GNB1: variants seen among roughly 807,000 people sequenced by gnomAD.
The protein encoded by GNB1 is G protein subunit beta 1.
GNB1 carries 2 observed loss-of-function variants against 42.9 expected under a neutral mutation model. The observed-to-expected ratio is 0.05, with a 90% CI of 0.02 to 0.15. The LOEUF (loss-of-function observed/expected upper bound fraction) is 0.15. GNB1 is among the 10% of genes least tolerant of loss of function. The pLI, the probability that GNB1 is intolerant of heterozygous loss-of-function variation, is 1.00. For synonymous variants in GNB1, 183 were observed against 174.7 expected (o/e 1.05, Z -0.38); for missense variants, 193 against 462.2 (o/e 0.42, Z 5.34).
intron 1 of GNB1, among the ~76,000 whole-genome samples, chr1:1,854,108 AG>A (rs968939320): frequency 6.6e-6 from 1 of 152,226 alleles, no homozygotes; most frequent in African/African-American, 2.4e-5. Context: ...TGGTCGAGGA[AG>A]GCATTAAGCG....
At chr1:1,836,151 T>G (rs1647145950) in intron 2 of GNB1, among the ~76,000 whole-genome samples, 1 of 151,956 alleles carries the variant, frequency 6.6e-6, no homozygotes, top group African/African-American at 2.4e-5. Context: ...ATGGTTATGC[T>G]GGGTCACATT....
intron 1 of GNB1, among the ~76,000 whole-genome samples, chr1:1,856,928 A>G (rs1023876053): frequency 1.3e-5 from 2 of 152,246 alleles, no homozygotes; most frequent in East Asian, 1.9e-4. Context: ...GTATCCTACA[A>G]AACAGTAATA....
intron 1 of GNB1, among the ~76,000 whole-genome samples, chr1:1,875,082 C>T (rs1649467831): frequency 6.6e-6 from 1 of 152,186 alleles, no homozygotes; most frequent in South Asian, 2.1e-4. Flanking sequence ...GGAGGTGGAG[C>T]TCAGGTGGGA....
intron 1 of GNB1, among the ~76,000 whole-genome samples, chr1:1,851,766 G>A (rs1314494791): frequency 1.3e-5 from 2 of 152,084 alleles, no homozygotes; most frequent in Admixed American, 6.5e-5. Context: ...GCATTCGGCC[G>A]GGCACAGCGG....
intron 1 of GNB1, among the ~76,000 whole-genome samples, chr1:1,866,988 CG>C (rs1239555484): frequency 4.0e-5 from 6 of 151,762 alleles, no homozygotes; most frequent in Non-Finnish European, 7.4e-5. Flanking sequence ...AATTCTAGGC[CG>C]GGTGCAGTGG....
chr1:1,836,591 C>A (rs1647153663), intron 2 of GNB1, among the ~76,000 whole-genome samples: 1 of 151,870 alleles, frequency 6.6e-6, no homozygotes, highest in Non-Finnish European at 1.5e-5. Context: ...CGCTTTATCA[C>A]CCAGGCTGGA....
chr1:1,835,922 G>GAA (rs59271649), intron 2 of GNB1, among the ~76,000 whole-genome samples: 31,754 of 88,610 alleles, frequency 0.36, 7,058 homozygotes, highest in Non-Finnish European at 0.47. Flanking sequence ...ATTAAAAAAA[G>GAA]AAAAAAAAAA....
At chr1:1,843,185 T>TA (rs531559676) in intron 1 of GNB1, among the ~76,000 whole-genome samples, 1 of 152,092 alleles carries the variant, frequency 6.6e-6, no homozygotes, top group South Asian at 2.1e-4. Flanking sequence ...GAAATACTAC[T>TA]AAAAAAAATT....
intron 1 of GNB1, among the ~76,000 whole-genome samples, chr1:1,872,933 C>T (rs1382096819): frequency 6.6e-6 from 1 of 152,186 alleles, no homozygotes; most frequent in Non-Finnish European, 1.5e-5. Context: ...CATCCTAAAG[C>T]AGGAAGTTCT....
chr1:1,814,766 C>T (rs986333302), intron 5 of GNB1, among the ~76,000 whole-genome samples: 3 of 137,188 alleles, frequency 2.2e-5, no homozygotes, highest in African/African-American at 8.4e-5. Context: ...CACACCACTG[C>T]ACTCCAGCAT....
Position 1,802,015 on chromosome 1 carries a change from T to C in GNB1, c.430+2404A>G, listed in dbSNP as rs568757813. ...AGAGCAGGGTCACAGGGTCAATTAA[T>C]CACAAAGAGACAACAAATGTAAAGG... On this transcript the variant is annotated intron_variant, in intron 7 of 11. Transcript: ENST00000378609. Among the ~76,000 whole-genome samples, 27 of 152,118 alleles carry C rather than the reference T, an allele frequency of 1.8e-4. No individual in the cohort carries two copies. In the South Asian group the frequency reaches 5.4e-3, roughly 30 times the overall value.
At chr1:1,794,075 A>G (rs1646516058) in intron 7 of GNB1, 1 of 152,232 alleles carries the variant, frequency 6.6e-6, no homozygotes, top group African/African-American at 2.4e-5. Context: ...CGTGGGCACA[A>G]TTCTGTGTCT....
chr1:1,808,586 A>G (rs1309823721), intron 5 of GNB1, among the ~76,000 whole-genome samples: 2 of 152,106 alleles, frequency 1.3e-5, no homozygotes, highest in Non-Finnish European at 2.9e-5. Context: ...AAATGATAGT[A>G]TAAGGATTTT....
chr1:1,855,439 C>T (rs142505707), intron 1 of GNB1, among the ~76,000 whole-genome samples: 2,288 of 152,130 alleles, frequency 0.015, 58 homozygotes, highest in African/African-American at 0.052. Context: ...CGGTGGCTCA[C>T]GCCTGTAATC....
chr1:1,831,517 C>T (rs1179939589), intron 2 of GNB1, among the ~76,000 whole-genome samples: 1 of 151,974 alleles, frequency 6.6e-6, no homozygotes, highest in South Asian at 2.1e-4. Flanking sequence ...GGCGCGATCT[C>T]GGCTCACTGC....
chr1:1,792,966 T>A (rs959290288), intron 8 of GNB1, among the ~76,000 whole-genome samples: 5 of 151,294 alleles, frequency 3.3e-5, no homozygotes, highest in Non-Finnish European at 7.4e-5. Flanking sequence ...TTCAGGAGGA[T>A]GAGGCAGGAG....
chr1:1,871,182 T>C (rs1480611214), intron 1 of GNB1, among the ~76,000 whole-genome samples: 1 of 152,162 alleles, frequency 6.6e-6, no homozygotes, highest in African/African-American at 2.4e-5. Flanking sequence ...CCAGGTACAG[T>C]GGCTCACACC....
At chr1:1,852,967 GCT>G (rs1373669259) in intron 1 of GNB1, among the ~76,000 whole-genome samples, 34 of 152,142 alleles carry the variant, frequency 2.2e-4, no homozygotes, top group Middle Eastern at 3.4e-3. Context: ...GCACTGCAGC[GCT>G]CTGAGGGTTC....
chr1:1,883,400 A>G (rs1570761439), intron 1 of GNB1, among the ~76,000 whole-genome samples: 1 of 152,356 alleles, frequency 6.6e-6, no homozygotes, highest in East Asian at 1.9e-4. Flanking sequence ...GCTAATATGC[A>G]TGTTCCACAC....
Sources: gnomAD v4.1 joint callset for allele counts (sites outside exome capture counted in the v4.1 genomes callset) on GRCh38, gnomAD v4.1.1 for gene constraint, MANE v1.5 for transcripts, NCBI Gene and HGNC (gene_info 2026-07-23, HGNC 2026-07-21) for gene names.